ITFG1: variants seen among roughly 807,000 people sequenced by gnomAD.
ITFG1 encodes the protein integrin alpha FG-GAP repeat containing 1, also known as T-cell immunomodulatory protein.
In ITFG1, 34 loss-of-function variants were observed where a neutral mutation model predicts 81.8. That is an observed-to-expected ratio of 0.42 (90% CI 0.32 to 0.55). ITFG1 has a LOEUF of 0.55. Ranked by LOEUF, ITFG1 falls within the 20% of genes least tolerant of loss-of-function variation. The pLI is 0.17. For synonymous variants in ITFG1, 285 were observed against 270.6 expected (o/e 1.05, Z -0.52); for missense variants, 672 against 755.4 (o/e 0.89, Z 1.29).
intron 8 of ITFG1, among the ~76,000 whole-genome samples, chr16:47,336,317 C>T (rs2151575670): frequency 6.6e-6 from 1 of 152,276 alleles, no homozygotes; most frequent in African/African-American, 2.4e-5. Flanking sequence ...AAGAAACAGG[C>T]AACTTGAAAA....
At chr16:47,327,900 T>C (rs1967576122) in intron 8 of ITFG1, among the ~76,000 whole-genome samples, 1 of 152,220 alleles carries the variant, frequency 6.6e-6, no homozygotes, top group Non-Finnish European at 1.5e-5. Flanking sequence ...TCAACCATTG[T>C]GGAAGTCGGT....
rs568904273 is a variant in ITFG1, at chr16:47,212,068, C to A, written c.1453+6800G>T. Among the ~76,000 whole-genome samples, 332 of 150,848 alleles carry A rather than the reference C, an allele frequency of 2.2e-3. 14 individuals carry two copies. The South Asian group carries it at 0.041, about 19-fold the overall frequency. On this transcript the variant is annotated intron_variant, in intron 14 of 17. Coordinates refer to ENST00000320640, the MANE Select transcript of ITFG1 (RefSeq NM_030790.5). ...GGGCTACCATGTTTGTCCCACTAAT[C>A]ATGATTTTTGTATTTATATTCATGA...
intron 14 of ITFG1, among the ~76,000 whole-genome samples, chr16:47,200,304 A>G (rs1483736400): frequency 6.6e-6 from 1 of 152,250 alleles, no homozygotes; most frequent in Admixed American, 6.5e-5. Flanking sequence ...CCACACAAAA[A>G]GTTAAAATGG....
At chr16:47,343,714 A>G (rs565878934) in intron 8 of ITFG1, among the ~76,000 whole-genome samples, 3 of 152,270 alleles carry the variant, frequency 2.0e-5, no homozygotes, top group Admixed American at 6.5e-5. Context: ...CACGTTAGTG[A>G]TGATGTGGAG....
At chr16:47,377,033 T>G (rs1026387693) in intron 6 of ITFG1, among the ~76,000 whole-genome samples, 7 of 145,020 alleles carry the variant, frequency 4.8e-5, no homozygotes, top group Non-Finnish European at 9.1e-5. Context: ...AAAAAAAGAG[T>G]TTTTTTTTCC....
chr16:47,265,032 T>C (rs1037426226), intron 10 of ITFG1, among the ~76,000 whole-genome samples: 5 of 152,076 alleles, frequency 3.3e-5, no homozygotes, highest in African/African-American at 7.2e-5. Flanking sequence ...GTTCTAAGGA[T>C]TGAATGAGAA....
chr16:47,266,539 A>C (rs1247639552), intron 10 of ITFG1, among the ~76,000 whole-genome samples: 1 of 152,210 alleles, frequency 6.6e-6, no homozygotes, highest in African/African-American at 2.4e-5. Context: ...ATTTTTAGAA[A>C]AAGATAGATA....
intron 4 of ITFG1, among the ~76,000 whole-genome samples, chr16:47,451,939 C>G (rs1215940690): frequency 6.6e-6 from 1 of 152,170 alleles, no homozygotes; most frequent in Admixed American, 6.5e-5. Context: ...CTTCAGAATC[C>G]TAAGCCAACT....
chr16:47,419,601 CTTTTTTTTTTTTT>C (rs34405979), intron 6 of ITFG1, among the ~76,000 whole-genome samples: 1 of 81,984 alleles, frequency 1.2e-5, no homozygotes, highest in Non-Finnish European at 2.3e-5. Flanking sequence ...TACTTCAGGT[CTTTTTTTTTTTTT>C]TTTTTTTTTT....
intron 6 of ITFG1, among the ~76,000 whole-genome samples, chr16:47,415,276 A>C (rs1413158599): frequency 6.6e-6 from 1 of 152,244 alleles, no homozygotes; most frequent in East Asian, 1.9e-4. Context: ...GAATAAAGGA[A>C]TATAACAGAG....
At chr16:47,291,101 G>A (rs748026131) in intron 10 of ITFG1, among the ~76,000 whole-genome samples, 2 of 151,876 alleles carry the variant, frequency 1.3e-5, no homozygotes, top group African/African-American at 2.4e-5. Flanking sequence ...TTTTTTCTAG[G>A]AAAGACATTA....
At chr16:47,166,747 A>T (rs1414351847) in intron 14 of ITFG1, among the ~76,000 whole-genome samples, 1 of 25,674 alleles carries the variant, frequency 3.9e-5, no homozygotes, top group Non-Finnish European at 8.8e-5. Context: ...TTCACTATTA[A>T]AAAAAGAATG....
intron 6 of ITFG1, among the ~76,000 whole-genome samples, chr16:47,410,825 G>A (rs558375107): frequency 4.6e-5 from 7 of 152,214 alleles, no homozygotes; most frequent in Non-Finnish European, 1.0e-4. Flanking sequence ...AGGTTGAGGG[G>A]TTTTGCGTGC....
intron 7 of ITFG1, among the ~76,000 whole-genome samples, chr16:47,367,653 C>T (rs144050556): frequency 1.3e-5 from 2 of 152,316 alleles, no homozygotes; most frequent in Admixed American, 6.5e-5. Context: ...AACAAAAGCA[C>T]AAAACCCAAA....
intron 16 of ITFG1, among the ~76,000 whole-genome samples, chr16:47,160,717 G>A (rs1195630085): frequency 6.6e-6 from 1 of 152,116 alleles, no homozygotes; most frequent in African/African-American, 2.4e-5. Context: ...AAATGCATCT[G>A]CTGGTATGCT....
chr16:47,414,910 G>A (rs1968855223), intron 6 of ITFG1, among the ~76,000 whole-genome samples: 1 of 152,066 alleles, frequency 6.6e-6, no homozygotes, highest in African/African-American at 2.4e-5. Flanking sequence ...CCATTTTCAT[G>A]GCTTCAACAA....
intron 10 of ITFG1, among the ~76,000 whole-genome samples, chr16:47,267,057 G>C (rs1966285170): frequency 6.6e-6 from 1 of 152,122 alleles, no homozygotes; most frequent in Non-Finnish European, 1.5e-5. Context: ...GGGAATGACT[G>C]CTTAAGGGGT....
intron 10 of ITFG1, among the ~76,000 whole-genome samples, chr16:47,310,149 A>T (rs1271453439): frequency 2.0e-5 from 3 of 152,224 alleles, no homozygotes; most frequent in African/African-American, 7.2e-5. Flanking sequence ...TTTCAAACCA[A>T]CGTGCTTAGG....
intron 14 of ITFG1, among the ~76,000 whole-genome samples, chr16:47,217,467 C>A (rs530200065): frequency 6.6e-6 from 1 of 152,326 alleles, no homozygotes; most frequent in East Asian, 1.9e-4. Flanking sequence ...AAATCATCTG[C>A]ATCTTCAAAG....
Sources: allele counts gnomAD v4.1 joint callset (sites outside exome capture counted in the v4.1 genomes callset), GRCh38; gene constraint gnomAD v4.1.1; transcripts MANE v1.5; gene names NCBI Gene and HGNC (gene_info 2026-07-23, HGNC 2026-07-21).